Variants in PCDHA7 observed in about 807,000 individuals in gnomAD.
The protein encoded by PCDHA7 is protocadherin alpha-7.
Under a neutral mutation model 57.2 loss-of-function variants are expected in PCDHA7, and 37 were observed. The observed-to-expected ratio is 0.65, with a 90% CI of 0.50 to 0.85. PCDHA7 has a LOEUF of 0.85. PCDHA7 is among the 40% of genes least tolerant of loss of function. The probability of loss-of-function intolerance (pLI) is 0.00; values close to 1 mark genes in which losing one functional copy is unlikely to be tolerated. For synonymous variants in PCDHA7, 553 were observed against 558.8 expected, an observed-to-expected ratio of 0.99 and a Z score of 0.15; for missense variants, 1,188 against 1,241.8, an observed-to-expected ratio of 0.96 and a Z score of 0.65.
intron 1 of PCDHA7, chr5:140,875,379 G>A: frequency 1.4e-6 from 2 of 1,459,474 alleles, no homozygotes; most frequent in Non-Finnish European, 1.8e-6. Flanking sequence ...TACTAAATAT[G>A]TACTTACAGA....
chr5:140,881,488 AT>A (rs1193131425), intron 1 of PCDHA7: 4 of 334,526 alleles, frequency 1.2e-5, no homozygotes, highest in African/African-American at 8.9e-5. Flanking sequence ...TATTGTGTTT[AT>A]GCACATACAC....
intron 1 of PCDHA7, among the ~76,000 whole-genome samples, chr5:140,924,894 C>CAAAA (rs782133089): frequency 2.8e-5 from 2 of 71,514 alleles, no homozygotes; most frequent in Non-Finnish European, 3.2e-5. Flanking sequence ...GAACCTGTCT[C>CAAAA]AAAAAAAAAA....
In PCDHA7 at chr5:140,884,626, A is replaced by G. The variant is rs782131642; in HGVS notation, c.2355+47888A>G. 9 of 1,613,602 alleles carry G rather than the reference A, an allele frequency of 5.6e-6. No individual in the cohort carries two copies. In the Admixed American group the frequency reaches 1.5e-4, roughly 27 times the overall value. ...CTTGTCTGGGTTCTGCAGAGGGAAC[A>G]GGCCAGAGGGAGGAGGACTCAGAAT... On this transcript the variant is annotated intron_variant, in intron 1 of 3. Transcript: ENST00000525929.
chr5:140,933,629 C>G (rs958764636), intron 1 of PCDHA7, among the ~76,000 whole-genome samples: 1 of 151,846 alleles, frequency 6.6e-6, no homozygotes, highest in Non-Finnish European at 1.5e-5. Context: ...TTAGGCTGGC[C>G]CTGTTAAACA....
Position 140,856,323 on chromosome 5 carries a change from A to T in PCDHA7, c.2355+19585A>T, listed in dbSNP as rs781846770. ...TTTGTGAATTCTCGGATTGACCGCG[A>T]GGAGCTGTGCGGGCGGAGCGTGGAG... On this transcript the variant is annotated intron_variant, in intron 1 of 3. Transcript: ENST00000525929. The T allele has an allele frequency of 3.1e-6, 5 of 1,598,532 alleles. No individual in the cohort carries two copies. The East Asian group carries it at 1.1e-4, about 36-fold the overall frequency.
chr5:140,884,048 G>A (rs2059957630), intron 1 of PCDHA7: 1 of 1,613,500 alleles, frequency 6.2e-7, no homozygotes, highest in African/African-American at 1.3e-5. Flanking sequence ...GGTGGCGAAG[G>A]TGCGCGCGGT....
intron 1 of PCDHA7, chr5:140,841,814 A>G: frequency 6.2e-7 from 1 of 1,613,908 alleles, no homozygotes; most frequent in Non-Finnish European, 8.5e-7. Context: ...TGTTGGAGCT[A>G]ACTCCGTGTT....
chr5:140,974,328 C>G (rs2096623040), intron 1 of PCDHA7, among the ~76,000 whole-genome samples: 1 of 152,198 alleles, frequency 6.6e-6, no homozygotes, highest in Admixed American at 6.5e-5. Flanking sequence ...AGCTGCTGTG[C>G]TAGCAGGCTA....
intron 1 of PCDHA7, among the ~76,000 whole-genome samples, chr5:140,948,960 G>A (rs900113633): frequency 5.9e-5 from 9 of 151,550 alleles, no homozygotes; most frequent in Non-Finnish European, 1.2e-4. Context: ...TTAAAGCCAC[G>A]AATTTATTAG....
At chr5:140,873,642 G>T (rs1217578025) in intron 1 of PCDHA7, among the ~76,000 whole-genome samples, 1 of 152,154 alleles carries the variant, frequency 6.6e-6, no homozygotes, top group Non-Finnish European at 1.5e-5. Flanking sequence ...GAGTATGTGA[G>T]AACTACATAA....
rs2150364461 is a variant in PCDHA7, at chr5:140,843,643, C to T, written c.2355+6905C>T. 81 of 1,595,634 alleles carry T rather than the reference C, an allele frequency of 5.1e-5. 5 individuals are homozygous for T. In the South Asian group the frequency reaches 8.1e-4, roughly 16 times the overall value. On this transcript the variant is annotated intron_variant, in intron 1 of 3. Transcript: ENST00000525929. ...AGACGGACCTCATGGCCTTCAGCCC[C>T]TGCCTTCCTCCTGATCTGGGATCAG...
Position 141,011,146 on chromosome 5 carries a change from C to T in PCDHA7, c.*1209C>T, listed in dbSNP as rs1180133019. On this transcript the variant is annotated 3_prime_UTR_variant, in exon 4 of 4. Transcript: ENST00000525929. ...TATGTGCACTTTGATACACAACCTT[C>T]TCTAACCAACTATATATCAAGACCC... The T allele has an allele frequency of 6.5e-6, 1 of 153,746 alleles. No individual in the cohort carries two copies. The highest frequency in any genetic ancestry group is 2.1e-4 in the South Asian group (1 of 4,824). The allele number at this position is 153,746 out of a possible 1,614,324, so 9.5% of individuals were successfully genotyped here.
intron 1 of PCDHA7, among the ~76,000 whole-genome samples, chr5:140,961,393 G>C (rs1224822152): frequency 6.6e-6 from 1 of 152,104 alleles, no homozygotes; most frequent in African/African-American, 2.4e-5. Context: ...TATTCCATTA[G>C]TAAACACTTT....
At chr5:140,853,227 T>C in intron 1 of PCDHA7, 1 of 983,234 alleles carries the variant, frequency 1.0e-6, no homozygotes, top group Non-Finnish European at 1.2e-6. Context: ...GATTGGTAAT[T>C]TAGTCCTTCA....
intron 1 of PCDHA7, chr5:140,862,883 G>T: frequency 1.8e-6 from 1 of 566,460 alleles, no homozygotes. Flanking sequence ...ATTAGTGCTG[G>T]AACGACAACT....
At position 140,928,737 on chromosome 5, in the gene PCDHA7, A is replaced by G. The variant is rs140056024; in HGVS notation, c.2356-50212A>G. On this transcript the variant is annotated intron_variant, in intron 1 of 3. Coordinates refer to ENST00000525929, the MANE Select transcript of PCDHA7 (RefSeq NM_018910.3). ...GTCTCTTTAGAATTTCAGCCAATAT[A>G]GGTGAGCTCCGTACTGCTCGCTTAG... is the stretch of plus-strand genomic sequence containing the variant. 5.6e-6 allele frequency: 9 copies of G among 1,614,000 alleles called. No homozygotes were observed. In the African/African-American group the frequency reaches 8.0e-5, roughly 14 times the overall value.
intron 1 of PCDHA7, among the ~76,000 whole-genome samples, chr5:140,933,268 T>A (rs2088999959): frequency 6.6e-6 from 1 of 151,986 alleles, no homozygotes; most frequent in Non-Finnish European, 1.5e-5. Context: ...TTATTATATA[T>A]TCATTTGGAA....
At chr5:140,984,547 C>T (rs1554246370) in intron 3 of PCDHA7, among the ~76,000 whole-genome samples, 2 of 152,118 alleles carry the variant, frequency 1.3e-5, no homozygotes, top group Non-Finnish European at 2.9e-5. Context: ...CTGGATAGAG[C>T]TTACATCTTC....
chr5:140,955,216 C>T (rs2095153192), intron 1 of PCDHA7, among the ~76,000 whole-genome samples: 2 of 152,122 alleles, frequency 1.3e-5, no homozygotes, highest in East Asian at 3.9e-4. Flanking sequence ...AGCATGATGC[C>T]TCCAGCTTTG....
Sources: gnomAD v4.1 joint callset for allele counts (sites outside exome capture counted in the v4.1 genomes callset) on GRCh38, gnomAD v4.1.1 for gene constraint, MANE v1.5 for transcripts, NCBI Gene and HGNC (gene_info 2026-07-23, HGNC 2026-07-21) for gene names.